The following DOCK9 variants were observed in gnomAD, a reference collection of about 807,000 sequenced individuals.
DOCK9 encodes the protein dedicator of cytokinesis protein 9.
A neutral mutation model predicts 263.3 loss-of-function variants in DOCK9; 89 were observed. The observed-to-expected ratio is 0.34, with a 90% CI of 0.28 to 0.40. The LOEUF is 0.40. Among genes scored for constraint, DOCK9 ranks in the 10% least tolerant of loss-of-function variants. The pLI is 1.00. For missense variants in DOCK9, 2,140 were observed against 2,603.4 expected, an observed-to-expected ratio of 0.82 and a Z score of 3.87; for synonymous variants, 976 against 973.1, an observed-to-expected ratio of 1.00 and a Z score of -0.06.
intron 41 of DOCK9, among the ~76,000 whole-genome samples, chr13:98,831,014 C>A (rs754222835): frequency 2.0e-5 from 3 of 152,150 alleles, no homozygotes; most frequent in Non-Finnish European, 2.9e-5. Context: ...CAGAAAAGAA[C>A]CACTTAGGTT....
At chr13:99,027,658 G>A (rs1886908331) in intron 1 of DOCK9, among the ~76,000 whole-genome samples, 1 of 152,184 alleles carries the variant, frequency 6.6e-6, no homozygotes, top group African/African-American at 2.4e-5. Context: ...AAATACAATT[G>A]CAATTACAAC....
At chr13:98,929,827 C>G (rs187511608) in intron 3 of DOCK9, among the ~76,000 whole-genome samples, 408 of 152,160 alleles carry the variant, frequency 2.7e-3, no homozygotes, top group African/African-American at 9.2e-3. Flanking sequence ...GTATCAATAA[C>G]AAGACCTCCC....
intron 1 of DOCK9, among the ~76,000 whole-genome samples, chr13:99,065,498 C>T (rs542535846): frequency 5.3e-5 from 8 of 152,304 alleles, no homozygotes; most frequent in Admixed American, 4.6e-4. Flanking sequence ...CTTCCTCACT[C>T]CCTGGGTGAC....
intron 1 of DOCK9, among the ~76,000 whole-genome samples, chr13:99,016,787 T>C (rs1885470353): frequency 6.6e-6 from 1 of 152,228 alleles, no homozygotes; most frequent in Admixed American, 6.5e-5. Context: ...AGGAAAAAAG[T>C]GATCAATCTT....
chr13:98,883,674 T>C, intron 22 of DOCK9, 139 bp downstream of exon 22: 3 of 571,830 alleles, frequency 5.2e-6, no homozygotes, highest in East Asian at 2.9e-5. Flanking sequence ...AGCACTTCAG[T>C]TGTACTTTCT....
At chr13:99,001,919 C>T (rs1567193184) in intron 1 of DOCK9, among the ~76,000 whole-genome samples, 1 of 152,184 alleles carries the variant, frequency 6.6e-6, no homozygotes, top group East Asian at 1.9e-4. Context: ...TGTCCTTGAC[C>T]TGAAAGTTCC....
At chr13:99,085,024 T>C (rs2042273965) in intron 1 of DOCK9, among the ~76,000 whole-genome samples, 3 of 152,312 alleles carry the variant, frequency 2.0e-5, no homozygotes, top group South Asian at 4.1e-4. Flanking sequence ...AAATTTGGAG[T>C]TGGCAGAGCT....
chr13:98,921,115 T>C, intron 6 of DOCK9, 27 bp from the exon 7 acceptor site: 1 of 1,578,206 alleles, frequency 6.3e-7, no homozygotes, highest in Non-Finnish European at 8.6e-7. Flanking sequence ...CACACAGCTA[T>C]TCTTTCAAAA....
At chr13:98,826,917 A>G in intron 43 of DOCK9, 30 bp from the exon 44 acceptor site, 1 of 1,574,206 alleles carries the variant, frequency 6.4e-7, no homozygotes, top group Non-Finnish European at 8.7e-7. Flanking sequence ...CCTCAGAATC[A>G]TCATTCATAA....
Position 98,797,423 on chromosome 13 carries a change from C to A in DOCK9, c.5983G>T (p.Asp1995Tyr). ...LDDTNTKRYP[D>Y]NKVKLLKEVF... ...TCCTTAAGCAGCTTCACTTTATTGT[C>A]AGGATATCGCTTTGTGTTTGTATCA... is the stretch of plus-strand genomic sequence containing the variant. The change falls in exon 51 of 53, where the codon GAC (aspartate) becomes TAC (tyrosine). Residue 1995 changes from aspartate to tyrosine, a missense_variant. Coordinates refer to ENST00000682017, the MANE Select transcript of DOCK9 (RefSeq NM_001366683.2). 6.2e-7 allele frequency: 1 copy of A among 1,613,624 alleles called. No homozygotes were observed. Among genetic ancestry groups the A allele is most frequent in the South Asian group, 1.1e-5 (1 of 90,950 alleles).
intron 49 of DOCK9, among the ~76,000 whole-genome samples, chr13:98,804,015 G>A (rs970587481): frequency 6.7e-6 from 1 of 149,770 alleles, no homozygotes; most frequent in Non-Finnish European, 1.5e-5. Context: ...TAAAGCATAC[G>A]CTTCGCCGGT....
chr13:98,933,033 G>A (rs548297043), intron 2 of DOCK9, among the ~76,000 whole-genome samples: 8 of 152,200 alleles, frequency 5.3e-5, no homozygotes, highest in Admixed American at 2.0e-4. Flanking sequence ...TGTGAAGGAC[G>A]GGTGCTACCT....
intron 15 of DOCK9, among the ~76,000 whole-genome samples, chr13:98,895,664 CAA>C (rs879382069): frequency 1.6e-4 from 17 of 107,734 alleles, no homozygotes; most frequent in Admixed American, 1.9e-4. Flanking sequence ...GACTCCATCT[CAA>C]AAAAAAAAAA....
chr13:98,988,261 C>G (rs1878949466), intron 1 of DOCK9, among the ~76,000 whole-genome samples: 1 of 152,152 alleles, frequency 6.6e-6, no homozygotes, highest in Admixed American at 6.5e-5. Flanking sequence ...GCACTAAAAA[C>G]TCAGTAACTG....
At chr13:98,814,564 C>T (rs1273944042) in intron 45 of DOCK9, among the ~76,000 whole-genome samples, 1 of 152,102 alleles carries the variant, frequency 6.6e-6, no homozygotes, top group Non-Finnish European at 1.5e-5. Flanking sequence ...TGCCACCACG[C>T]CCAGCTAATT....
At chr13:98,807,609 T>C in intron 48 of DOCK9, 52 bp downstream of exon 48, 2 of 1,433,280 alleles carry the variant, frequency 1.4e-6, no homozygotes, top group Non-Finnish European at 1.9e-6. Context: ...ATATAATATG[T>C]AATCAATCAC....
chr13:99,014,742 G>GC (rs1885114059), intron 1 of DOCK9, among the ~76,000 whole-genome samples: 1 of 152,208 alleles, frequency 6.6e-6, no homozygotes, highest in African/African-American at 2.4e-5. Flanking sequence ...CATCCTGAGA[G>GC]AGGAGGAGAC....
chr13:98,915,924 T>C (rs1028909), intron 7 of DOCK9, among the ~76,000 whole-genome samples: 9,930 of 152,250 alleles, frequency 0.065, 522 homozygotes, highest in African/African-American at 0.14. Flanking sequence ...TCAGCTCCTA[T>C]TTTTTTAATG....
At chr13:98,892,981 G>A (rs2046856938) in intron 15 of DOCK9, among the ~76,000 whole-genome samples, 1 of 152,214 alleles carries the variant, frequency 6.6e-6, no homozygotes, top group African/African-American at 2.4e-5. Flanking sequence ...CACAGACTGG[G>A]CTTTGAAAGA....
Sources: allele counts gnomAD v4.1 joint callset (sites outside exome capture counted in the v4.1 genomes callset), GRCh38; gene constraint gnomAD v4.1.1; transcripts MANE v1.5; gene names NCBI Gene and HGNC (gene_info 2026-07-23, HGNC 2026-07-21).